Variants in MACROD2 observed in about 807,000 individuals in gnomAD.
MACROD2 encodes ADP-ribose glycohydrolase MACROD2.
In MACROD2, 36 loss-of-function variants were observed where a neutral mutation model predicts 70.4. The observed-to-expected ratio is 0.51, with a 90% CI of 0.39 to 0.68. MACROD2 has a LOEUF of 0.68. Among genes scored for constraint, MACROD2 ranks in the 30% least tolerant of loss-of-function variants. The pLI is 0.00. For synonymous variants in MACROD2, 172 were observed against 178.8 expected (o/e 0.96, Z 0.30); for missense variants, 496 against 538.4 (o/e 0.92, Z 0.78).
At chr20:14,382,942 T>C (rs2083437698) in intron 3 of MACROD2, among the ~76,000 whole-genome samples, 1 of 152,166 alleles carries the variant, frequency 6.6e-6, no homozygotes, top group Non-Finnish European at 1.5e-5. Flanking sequence ...CAAATAAATA[T>C]GTAACAACTA....
At chr20:15,473,650 T>C (rs552641405) in intron 7 of MACROD2, among the ~76,000 whole-genome samples, 16 of 152,176 alleles carry the variant, frequency 1.1e-4, no homozygotes, top group Middle Eastern at 3.2e-3. Flanking sequence ...AATTCTACAC[T>C]TGCATGCATT....
chr20:15,069,310 T>C (rs1376947056), intron 5 of MACROD2, among the ~76,000 whole-genome samples: 1 of 152,142 alleles, frequency 6.6e-6, no homozygotes, highest in Non-Finnish European at 1.5e-5. Context: ...AGCTTAAAAA[T>C]TTGGAAAATT....
At chr20:14,068,077 C>T (rs926903416) in intron 2 of MACROD2, among the ~76,000 whole-genome samples, 1 of 152,172 alleles carries the variant, frequency 6.6e-6, no homozygotes, top group African/African-American at 2.4e-5. Context: ...CTCCATTGTT[C>T]GTTCTTAAAG....
intron 5 of MACROD2, among the ~76,000 whole-genome samples, chr20:14,846,487 TTTA>T: frequency 6.6e-6 from 1 of 151,324 alleles, no homozygotes; most frequent in South Asian, 2.1e-4. Flanking sequence ...TAAGGTAGAC[TTTA>T]CACTTTTTGG....
At chr20:14,249,693 T>C (rs991172383) in intron 3 of MACROD2, among the ~76,000 whole-genome samples, 4 of 152,298 alleles carry the variant, frequency 2.6e-5, no homozygotes, top group South Asian at 2.1e-4. Flanking sequence ...TTTATTGTTA[T>C]CAAGTTCTAT....
chr20:15,671,963 G>A (rs1473099929), intron 8 of MACROD2, among the ~76,000 whole-genome samples: 2 of 152,188 alleles, frequency 1.3e-5, no homozygotes, highest in Non-Finnish European at 2.9e-5. Context: ...ACAATATTTT[G>A]TAAAGAAATC....
Position 15,345,297 on chromosome 20 carries a change from A to T in MACROD2, c.541-86108A>T, listed in dbSNP as rs566466661. On this transcript the variant is annotated intron_variant, in intron 6 of 17. Transcript: ENST00000684519. ...CATTCATTTAATATGGGTTTACTAT[A>T]CTTCTCTTATGTGCCAATTACTGTC... Among the ~76,000 whole-genome samples, 3 of 152,326 alleles carry T rather than the reference A, an allele frequency of 2.0e-5. 1 individual carries two copies. In the South Asian group the frequency reaches 6.2e-4, roughly 32 times the overall value.
intron 8 of MACROD2, among the ~76,000 whole-genome samples, chr20:15,823,883 A>T (rs1159030638): frequency 1.3e-5 from 2 of 152,212 alleles, no homozygotes; most frequent in Non-Finnish European, 2.9e-5. Flanking sequence ...CTGGCCATGG[A>T]TGACTGGCTG....
At chr20:15,214,361 C>T (rs560022922) in intron 5 of MACROD2, among the ~76,000 whole-genome samples, 2 of 152,068 alleles carry the variant, frequency 1.3e-5, no homozygotes, top group East Asian at 3.9e-4. Flanking sequence ...GGCTAGATTC[C>T]CAGGCCCAGA....
At chr20:15,190,230 C>T (rs573516421) in intron 5 of MACROD2, among the ~76,000 whole-genome samples, 1 of 152,266 alleles carries the variant, frequency 6.6e-6, no homozygotes, top group East Asian at 1.9e-4. Context: ...CTCATTTTCT[C>T]CTCTGGCATC....
chr20:16,006,393 G>T (rs1457344369), intron 15 of MACROD2, among the ~76,000 whole-genome samples: 1 of 152,070 alleles, frequency 6.6e-6, no homozygotes, highest in South Asian at 2.1e-4. Flanking sequence ...TTGGAAACTA[G>T]CTTTCTTTGT....
At chr20:15,891,483 G>A (rs565881487) in intron 10 of MACROD2, among the ~76,000 whole-genome samples, 1 of 152,294 alleles carries the variant, frequency 6.6e-6, no homozygotes, top group African/African-American at 2.4e-5. Context: ...GCTGTGTTGA[G>A]GATAGAGTGT....
At chr20:14,458,867 A>G (rs892893281) in intron 3 of MACROD2, among the ~76,000 whole-genome samples, 9 of 152,096 alleles carry the variant, frequency 5.9e-5, no homozygotes, top group East Asian at 1.9e-4. Flanking sequence ...TGAAATGGCT[A>G]TTTGGCAAGG....
chr20:14,810,819 G>A (rs7272777), intron 5 of MACROD2, among the ~76,000 whole-genome samples: 11,809 of 152,040 alleles, frequency 0.078, 612 homozygotes, highest in Middle Eastern at 0.24. Context: ...GCCAATTCAC[G>A]AGCAAACTCC....
At chr20:15,327,193 A>G (rs1050904178) in intron 6 of MACROD2, among the ~76,000 whole-genome samples, 20 of 152,146 alleles carry the variant, frequency 1.3e-4, no homozygotes, top group African/African-American at 4.6e-4. Context: ...ATAATAACAA[A>G]CTGGGAGAAA....
At chr20:14,016,085 G>T (rs187204900) in intron 2 of MACROD2, among the ~76,000 whole-genome samples, 1 of 152,240 alleles carries the variant, frequency 6.6e-6, no homozygotes, top group East Asian at 1.9e-4. Flanking sequence ...CATTCCAACC[G>T]CCAGTGCTAT....
At chr20:14,376,953 G>A (rs1055207833) in intron 3 of MACROD2, among the ~76,000 whole-genome samples, 58 of 151,904 alleles carry the variant, frequency 3.8e-4, no homozygotes, top group Non-Finnish European at 7.4e-5. Flanking sequence ...AAGATTTCTT[G>A]TGAGGATTTT....
intron 3 of MACROD2, among the ~76,000 whole-genome samples, chr20:14,212,830 A>G (rs2081581464): frequency 6.6e-6 from 1 of 151,640 alleles, no homozygotes; most frequent in Admixed American, 6.6e-5. Context: ...CAGTTTGTGA[A>G]CATAGCCACT....
chr20:15,443,979 G>A (rs2046529242), intron 7 of MACROD2, among the ~76,000 whole-genome samples: 2 of 152,176 alleles, frequency 1.3e-5, no homozygotes, highest in African/African-American at 4.8e-5. Context: ...TTTTAAAGCG[G>A]TTTTATTAAA....
Sources: allele counts gnomAD v4.1 joint callset (sites outside exome capture counted in the v4.1 genomes callset), GRCh38; gene constraint gnomAD v4.1.1; transcripts MANE v1.5; gene names NCBI Gene and HGNC (gene_info 2026-07-23, HGNC 2026-07-21).